QTMAN: variants seen among roughly 807,000 people sequenced by gnomAD.
QTMAN encodes the protein queuosine-tRNA mannosyltransferase.
chr2:144,030,375 T>C, the QTMAN span, among the ~76,000 whole-genome samples: 1 of 152,224 alleles, frequency 6.6e-6, no homozygotes, highest in South Asian at 2.1e-4. Context: ...TTCAGTTCAA[T>C]GTCTACCTTC....
the QTMAN span, chr2:143,941,676 CA>C: frequency 0.12 from 12,384 of 100,384 alleles, 679 homozygotes; most frequent in African/African-American, 0.23. Flanking sequence ...CTCTCTCTCT[CA>C]AAAAAAAAAA....
chr2:143,960,687 G>A, the QTMAN span, among the ~76,000 whole-genome samples: 2 of 152,016 alleles, frequency 1.3e-5, no homozygotes, highest in South Asian at 2.1e-4. Flanking sequence ...ACACACCAGG[G>A]TAGCTGGAAT....
the QTMAN span, among the ~76,000 whole-genome samples, chr2:144,035,184 C>G: frequency 6.6e-6 from 1 of 152,182 alleles, no homozygotes; most frequent in Non-Finnish European, 1.5e-5. Context: ...CCCCTGCCCT[C>G]TTCTTCCTGC....
the QTMAN span, chr2:143,945,052 T>C: frequency 6.6e-6 from 1 of 152,176 alleles, no homozygotes; most frequent in Non-Finnish European, 1.5e-5. Flanking sequence ...CGCTATTTCT[T>C]GGCTGTGAGA....
At chr2:144,022,680 C>T in the QTMAN span, among the ~76,000 whole-genome samples, 20 of 151,166 alleles carry the variant, frequency 1.3e-4, no homozygotes, top group Non-Finnish European at 2.5e-4. Context: ...TCTCCTGCCT[C>T]AGCCTCCCAA....
chr2:144,160,958 A>G, the QTMAN span, among the ~76,000 whole-genome samples: 3 of 152,136 alleles, frequency 2.0e-5, no homozygotes, highest in Non-Finnish European at 4.4e-5. Context: ...GTATATATTA[A>G]TATATAGAAA....
chr2:144,212,502 T>C, the QTMAN span, among the ~76,000 whole-genome samples: 2 of 151,910 alleles, frequency 1.3e-5, no homozygotes, highest in Non-Finnish European at 2.9e-5. Flanking sequence ...AACGAAAGAA[T>C]ACCCGAATTA....
the QTMAN span, among the ~76,000 whole-genome samples, chr2:144,256,306 C>T: frequency 1.6e-4 from 24 of 152,114 alleles, no homozygotes; most frequent in East Asian, 3.8e-4. Flanking sequence ...TTTACAATGA[C>T]GGTTTCAAAA....
chr2:144,249,487 G>A, the QTMAN span, among the ~76,000 whole-genome samples: 4 of 152,186 alleles, frequency 2.6e-5, no homozygotes, highest in East Asian at 1.9e-4. Flanking sequence ...GGTCTGAGCA[G>A]GAGGGCATAA....
chr2:144,090,006 A>G, the QTMAN span, among the ~76,000 whole-genome samples: 2 of 152,052 alleles, frequency 1.3e-5, no homozygotes, highest in Non-Finnish European at 2.9e-5. Context: ...AATTTAAAAA[A>G]TATATGTCCA....
At chr2:144,308,903 T>A in the QTMAN span, among the ~76,000 whole-genome samples, 1 of 152,270 alleles carries the variant, frequency 6.6e-6, no homozygotes, top group East Asian at 1.9e-4. Context: ...TACAAAGATA[T>A]AAAGAACTAT....
the QTMAN span, among the ~76,000 whole-genome samples, chr2:144,216,375 C>T: frequency 1.3e-5 from 2 of 152,164 alleles, no homozygotes; most frequent in African/African-American, 4.8e-5. Flanking sequence ...TGTCTCAGGA[C>T]CTGACACACA....
At chr2:144,145,766 C>A in the QTMAN span, 1 of 1,591,568 alleles carries the variant, frequency 6.3e-7, no homozygotes, top group Non-Finnish European at 8.6e-7. Context: ...TTGGGGTTTA[C>A]TGTCCCAAGT....
At chr2:144,298,723 G>A in the QTMAN span, among the ~76,000 whole-genome samples, 4 of 152,164 alleles carry the variant, frequency 2.6e-5, no homozygotes, top group Non-Finnish European at 4.4e-5. Context: ...GGGAGGAGAG[G>A]TCAGGCATAT....
At chr2:144,023,791 T>C in the QTMAN span, among the ~76,000 whole-genome samples, 3 of 152,152 alleles carry the variant, frequency 2.0e-5, no homozygotes, top group African/African-American at 7.2e-5. Context: ...CCTTTAATCA[T>C]ATAATAAATA....
chr2:144,286,140 G>A, the QTMAN span, among the ~76,000 whole-genome samples: 3 of 152,158 alleles, frequency 2.0e-5, no homozygotes, highest in African/African-American at 4.8e-5. Context: ...TCCAACCACC[G>A]TAGGTGTGCA....
the QTMAN span, among the ~76,000 whole-genome samples, chr2:144,282,709 G>C: frequency 6.6e-6 from 1 of 151,860 alleles, no homozygotes; most frequent in Non-Finnish European, 1.5e-5. Flanking sequence ...AAATCCCTTG[G>C]AATTTCCTGG....
the QTMAN span, among the ~76,000 whole-genome samples, chr2:144,025,140 C>T: frequency 1.3e-5 from 2 of 152,106 alleles, no homozygotes; most frequent in Non-Finnish European, 2.9e-5. Context: ...GAAATATTAT[C>T]TGTAAAATAC....
the QTMAN span, among the ~76,000 whole-genome samples, chr2:143,960,854 T>A: frequency 6.6e-6 from 1 of 152,106 alleles, no homozygotes; most frequent in Non-Finnish European, 1.5e-5. Context: ...TGAAAAAGTA[T>A]AATTATTATG....
Sources: gnomAD v4.1 joint callset for allele counts (sites outside exome capture counted in the v4.1 genomes callset) on GRCh38, gnomAD v4.1.1 for gene constraint, MANE v1.5 for transcripts, NCBI Gene and HGNC (gene_info 2026-07-23, HGNC 2026-07-21) for gene names.